CFAP91: variants seen among roughly 807,000 people sequenced by gnomAD.
CFAP91 encodes cilia and flagella associated protein 91.
In CFAP91, 85 loss-of-function variants were observed where a neutral mutation model predicts 95.9. The ratio of observed to expected loss-of-function variants is 0.89; its 90% CI spans 0.74 to 1.06. CFAP91 has a LOEUF of 1.06. Among genes scored for constraint, CFAP91 ranks in the 50% least tolerant of loss-of-function variants. The probability of loss-of-function intolerance (pLI) is 0.00; values close to 1 mark genes in which losing one functional copy is unlikely to be tolerated. For synonymous variants in CFAP91, 335 were observed against 327.5 expected (o/e 1.02, Z -0.25); for missense variants, 962 against 943.4 (o/e 1.02, Z -0.26).
At chr3:119,762,960 TAG>T (rs2054565113) in intron 17 of CFAP91, among the ~76,000 whole-genome samples, 1 of 151,700 alleles carries the variant, frequency 6.6e-6, no homozygotes, top group South Asian at 2.1e-4. Flanking sequence ...AAAGTGAAAA[TAG>T]ACAAAAGAGA....
chr3:119,721,596 A>T (rs2053685189), intron 6 of CFAP91, among the ~76,000 whole-genome samples: 1 of 152,202 alleles, frequency 6.6e-6, no homozygotes, highest in Non-Finnish European at 1.5e-5. Flanking sequence ...GACAGGGTAT[A>T]GCTGATAGGC....
At chr3:119,731,647 G>A (rs1018269173) in intron 8 of CFAP91, among the ~76,000 whole-genome samples, 7 of 152,164 alleles carry the variant, frequency 4.6e-5, no homozygotes, top group Admixed American at 1.3e-4. Flanking sequence ...GCAGCATGAC[G>A]TCACGATCTT....
rs1164205915 is a variant in CFAP91 at position 119,706,822 on chromosome 3, T to C, written c.138T>C (p.Ile46=). The C allele has an allele frequency of 6.2e-7, 1 of 1,613,428 alleles. No homozygotes were observed. The highest frequency in any genetic ancestry group is 1.1e-5 in the South Asian group (1 of 91,064). Residue 46 remains isoleucine, a synonymous_variant, in exon 2 of 18, where the codon ATT becomes ATC. Coordinates refer to ENST00000273390, the MANE Select transcript of CFAP91 (RefSeq NM_033364.4). ...TTTATTTTGCAGATCCATTGTTTAT[T>C]GTGTCAAGTGAGAAAGACCATACAC... is the stretch of plus-strand genomic sequence containing the variant. The part of the protein sequence containing the change: ...AYDFLYDPLF[I]VSSEKDHTQA...
At chr3:119,732,533 T>C (rs2053923238) in intron 9 of CFAP91, 57 bp downstream of exon 9, 2 of 1,142,410 alleles carry the variant, frequency 1.8e-6, no homozygotes, top group East Asian at 2.6e-5. Flanking sequence ...AGAAATATGA[T>C]TAAATATATA....
In CFAP91 at chr3:119,737,413, T is replaced by C; in HGVS notation, c.1392T>C (p.Pro464=). The C allele has an allele frequency of 6.2e-7, 1 of 1,611,976 alleles. No individual in the cohort carries two copies. The highest frequency in any genetic ancestry group is 8.5e-7 in the Non-Finnish European group (1 of 1,179,092). Residue 464 remains proline (P), a synonymous_variant, in exon 11 of 18, where the codon CCT becomes CCC. Coordinates refer to ENST00000273390, the MANE Select transcript of CFAP91 (RefSeq NM_033364.4). ...AAGTTCTTGAAGTAAAGAAACCCCC[T>C]CGCTTCCTTCAAAGAAACCCAATAC... ...KNKVLEVKKP[P]RFLQRNPIPQ...
chr3:119,708,562 T>A, intron 3 of CFAP91, 29 bp from the exon 4 acceptor site: 1 of 1,424,692 alleles, frequency 7.0e-7, no homozygotes, highest in Non-Finnish European at 9.8e-7. Flanking sequence ...TATTTTAGAC[T>A]TGAATAATGT....
At chr3:119,741,286 A>G (rs1213082995) in intron 13 of CFAP91, among the ~76,000 whole-genome samples, 1 of 152,192 alleles carries the variant, frequency 6.6e-6, no homozygotes, top group African/African-American at 2.4e-5. Flanking sequence ...TTTTTCCCCA[A>G]ATATCCAGTG....
chr3:119,740,950 G>A, intron 13 of CFAP91: 1 of 451,400 alleles, frequency 2.2e-6, no homozygotes, highest in Non-Finnish European at 4.1e-6. Context: ...TGCCTCACGG[G>A]TTCAAATGAT....
intron 10 of CFAP91, among the ~76,000 whole-genome samples, chr3:119,735,784 A>G (rs952418171): frequency 1.3e-5 from 2 of 151,778 alleles, no homozygotes; most frequent in South Asian, 4.2e-4. Flanking sequence ...CATTCATTTC[A>G]CTCGTCCAAG....
intron 14 of CFAP91, among the ~76,000 whole-genome samples, chr3:119,745,508 G>A (rs776356858): frequency 2.0e-5 from 3 of 152,032 alleles, no homozygotes; most frequent in Admixed American, 6.6e-5. Flanking sequence ...ATACATACAC[G>A]CACAAACGTC....
At position 119,715,585 on chromosome 3, in the gene CFAP91, C is replaced by T. The variant is rs1188688962; in HGVS notation, c.524C>T (p.Pro175Leu). 4.3e-6 allele frequency: 7 copies of T among 1,614,076 alleles called. No individual in the cohort carries two copies. Among genetic ancestry groups the T allele is most frequent in the Non-Finnish European group, 5.9e-6 (7 of 1,179,962 alleles). Residue 175 changes from proline to leucine, a missense_variant, in exon 6 of 18, where the codon CCT becomes CTT. By Grantham distance (98) the Pro-to-Leu change is moderately conservative (BLOSUM62 -3). Transcript: ENST00000273390. ...VSKAEPYTFPPTSTKHLSIPS... is the reference protein window; with the variant it reads ...VSKAEPYTFPLTSTKHLSIPS... ...AGGGCAGAACCATACACTTTTCCTC[C>T]TACTTCTACTAAGCACCTATCCATC...
chr3:119,708,335 A>T (rs2053411714), intron 3 of CFAP91, among the ~76,000 whole-genome samples: 1 of 151,274 alleles, frequency 6.6e-6, no homozygotes, highest in Non-Finnish European at 1.5e-5. Flanking sequence ...AAAATTGGGC[A>T]TTTTTGTATG....
At chr3:119,713,627 G>T (rs1235724106) in intron 5 of CFAP91, among the ~76,000 whole-genome samples, 1 of 151,240 alleles carries the variant, frequency 6.6e-6, no homozygotes, top group Non-Finnish European at 1.5e-5. Flanking sequence ...TATTCTAGAG[G>T]CAATGCATGT....
rs190482922 is a variant in CFAP91, at chr3:119,706,619, A to G, written c.125-190A>G. ...CTCAGAAAAGAAAAACATCTTGACAACTGTTGCTGGTAGAAGTGGTAGAGT... is the reference window on the plus strand; with the variant it reads ...CTCAGAAAAGAAAAACATCTTGACAGCTGTTGCTGGTAGAAGTGGTAGAGT... On this transcript the variant is annotated intron_variant, in intron 1 of 17. Coordinates refer to ENST00000273390, the MANE Select transcript of CFAP91 (RefSeq NM_033364.4). The G allele has an allele frequency of 2.4e-5, 13 of 537,470 alleles. 1 individual carries two copies. The highest frequency in any genetic ancestry group is 1.5e-4 in the East Asian group (5 of 33,412). The allele number at this position is 537,470 out of a possible 1,614,324, so 33.3% of individuals were successfully genotyped here.
At chr3:119,707,196 T>C (rs1171750298) in intron 2 of CFAP91, 2 of 527,108 alleles carry the variant, frequency 3.8e-6, no homozygotes, top group Non-Finnish European at 3.4e-6. Flanking sequence ...ATTCTAGCCC[T>C]ATCCCCTACC....
chr3:119,745,643 A>C (rs893903044), intron 14 of CFAP91, among the ~76,000 whole-genome samples: 1 of 152,246 alleles, frequency 6.6e-6, no homozygotes, highest in African/African-American at 2.4e-5. Flanking sequence ...ATCCATATAG[A>C]TCCAACTTGC....
chr3:119,756,703 A>T (rs1224056727), intron 17 of CFAP91, among the ~76,000 whole-genome samples: 1 of 152,202 alleles, frequency 6.6e-6, no homozygotes, highest in African/African-American at 2.4e-5. Flanking sequence ...TCAATGATCC[A>T]TGACAACTCA....
At chr3:119,730,019 T>C (rs1276835446) in intron 7 of CFAP91, among the ~76,000 whole-genome samples, 1 of 152,130 alleles carries the variant, frequency 6.6e-6, no homozygotes, top group Non-Finnish European at 1.5e-5. Flanking sequence ...CACCCATATA[T>C]ATTCCTATTA....
chr3:119,739,192 G>T, intron 11 of CFAP91, 63 bp from the exon 12 acceptor site: 2 of 1,380,220 alleles, frequency 1.4e-6, no homozygotes, highest in South Asian at 1.2e-5. Context: ...GTCTTCAAAA[G>T]AATATTTGAT....
Sources: allele counts gnomAD v4.1 joint callset (sites outside exome capture counted in the v4.1 genomes callset), GRCh38; gene constraint gnomAD v4.1.1; transcripts MANE v1.5; gene names NCBI Gene and HGNC (gene_info 2026-07-23, HGNC 2026-07-21).